The following ESPL1 variants were observed in gnomAD, a reference collection of about 807,000 sequenced individuals.
ESPL1 encodes separin.
Under a neutral mutation model 217.2 loss-of-function variants are expected in ESPL1, and 50 were observed. The observed-to-expected ratio is 0.23, with a 90% CI of 0.18 to 0.29. The LOEUF (loss-of-function observed/expected upper bound fraction) is 0.29, where lower values mean the gene tolerates loss of function less well. Ranked by LOEUF, ESPL1 falls within the 10% of genes least tolerant of loss-of-function variation. ESPL1 has a pLI of 1.00. For missense variants in ESPL1, 1,834 were observed against 2,603.0 expected, an observed-to-expected ratio of 0.70 and a Z score of 6.43; for synonymous variants, 994 against 1,081.3, an observed-to-expected ratio of 0.92 and a Z score of 1.58.
intron 1 of ESPL1, 77 bp from the exon 2 acceptor site, chr12:53,268,678 C>G (rs965466780): frequency 1.2e-6 from 1 of 837,166 alleles, no homozygotes; most frequent in East Asian, 2.6e-5. Context: ...TTGCCTCCTT[C>G]CACGACCTTC....
intron 6 of ESPL1, among the ~76,000 whole-genome samples, 183 bp from the exon 7 acceptor site, chr12:53,274,634 T>C (rs1341023716): frequency 6.6e-6 from 1 of 152,100 alleles, no homozygotes; most frequent in East Asian, 1.9e-4. Context: ...AGCCTCTGAG[T>C]TGAAGGCACT....
At chr12:53,272,011 C>T (rs561131911) in intron 5 of ESPL1, among the ~76,000 whole-genome samples, 19 of 150,464 alleles carry the variant, frequency 1.3e-4, no homozygotes, top group Admixed American at 1.1e-3. Context: ...GGTGTGAACC[C>T]GGGAGGTGGA....
At position 53,274,897 on chromosome 12, in the gene ESPL1, G is replaced by T. The variant is rs377436215; in HGVS notation, c.1587G>T (p.Leu529Phe). ...CCCAGGGCTGCAAGATGGTGATTTT[G>T]TGGCTGGCAGCCCTGCAACCCTGTA... Reference protein sequence around the residue: ...KQAQGCKMVILWLAALQPCSP... With the variant: ...KQAQGCKMVIFWLAALQPCSP... The change falls in exon 7 of 31, where the codon TTG becomes TTT. Residue 529 changes from leucine (L) to phenylalanine (F), a missense_variant. Transcript: ENST00000257934. The T allele has an allele frequency of 3.1e-6, 5 of 1,613,586 alleles. No individual in the cohort carries two copies. Among genetic ancestry groups the T allele is most frequent in the Non-Finnish European group, 4.2e-6 (5 of 1,179,738 alleles).
intron 6 of ESPL1, chr12:53,274,363 C>G (rs966367987): frequency 6.3e-6 from 1 of 158,296 alleles, no homozygotes; most frequent in African/African-American, 2.4e-5. Context: ...ACCGGGTAAT[C>G]AGGCTGCTAT....
chr12:53,270,090 G>A lies in ESPL1; in HGVS notation c.1143+5G>A, dbSNP rs748026681. 1.3e-6 allele frequency: 2 copies of A among 1,598,120 alleles called. No homozygotes were observed. Among genetic ancestry groups the A allele is most frequent in the Non-Finnish European group, 8.5e-7 (1 of 1,171,926 alleles). The stretch of plus-strand genomic sequence containing the variant: ...CAGCAGCTGCGGGATGATGGTGTGA[G>A]TTAAGGACCTGGAGGTAGGGTGGGG... On this transcript the variant is annotated splice_donor_5th_base_variant and intron_variant, in intron 3 of 30. Coordinates refer to ENST00000257934, the MANE Select transcript of ESPL1 (RefSeq NM_012291.5).
chr12:53,291,084 C>G (rs529298726), intron 25 of ESPL1, 88 bp downstream of exon 25: 35 of 1,212,542 alleles, frequency 2.9e-5, no homozygotes, highest in Non-Finnish European at 3.6e-5. Context: ...AGATGGATTG[C>G]TTGAGCTCAG....
At position 53,286,672 on chromosome 12, in the gene ESPL1, C is replaced by T; in HGVS notation, c.3936C>T (p.Gly1312=). Residue 1312 remains glycine, a synonymous_variant, in exon 18 of 31, where the codon GGC becomes GGT. Coordinates refer to ENST00000257934, the MANE Select transcript of ESPL1 (RefSeq NM_012291.5). The surrounding 1 kb of genome is among the most constrained non-coding windows in gnomAD (Gnocchi z 5.3). ...GCTCAGAGCCCTCTAAGACTCAGGG[C>T]CAAAAACGTTCTGGACGAGGGCGCC... The part of the protein sequence containing the change: ...VPGSEPSKTQ[G]QKRSGRGRQK... The T allele has an allele frequency of 3.1e-6, 5 of 1,614,150 alleles. No individual in the cohort carries two copies. The highest frequency in any genetic ancestry group is 8.5e-7 in the Non-Finnish European group (1 of 1,180,038).
In ESPL1 at chr12:53,288,524, T is replaced by C; in HGVS notation, c.4547-14T>C. On this transcript the variant is annotated splice_polypyrimidine_tract_variant and intron_variant, in intron 19 of 30. Transcript: ENST00000257934. ...GGGAGGGAGCACTGTGAAAAAGGCC[T>C]GCTCTCTCCCCAGGTGGGAAGACTC... 1 of 1,602,652 alleles carries C rather than the reference T, an allele frequency of 6.2e-7. No individual in the cohort carries two copies. Among genetic ancestry groups the C allele is most frequent in the Non-Finnish European group, 8.5e-7 (1 of 1,175,506 alleles).
intron 6 of ESPL1, among the ~76,000 whole-genome samples, chr12:53,273,450 G>A (rs1943711020): frequency 6.6e-6 from 1 of 151,866 alleles, no homozygotes; most frequent in African/African-American, 2.4e-5. Context: ...TCTGCCCCGA[G>A]TTAATTGCAT....
rs775902491 is a variant in ESPL1 at position 53,290,982 on chromosome 12, C to T, written c.5506C>T (p.Arg1836Cys). 32 of 1,591,998 alleles carry T rather than the reference C, an allele frequency of 2.0e-5. No homozygotes were observed. The highest frequency in any genetic ancestry group is 7.1e-5 in the Admixed American group (4 of 56,652). ...GGACTGTGGCTGGAAATATCCTGACCGCACTCTGCTGAAAGTGAGTGAGGA... is the reference window on the plus strand; with the variant it reads ...GGACTGTGGCTGGAAATATCCTGACTGCACTCTGCTGAAAGTGAGTGAGGA... ...LQDCGWKYPD[R>C]TLLKIMLSGA... Residue 1836 changes from arginine (R) to cysteine (C), a missense_variant, in exon 25 of 31, where the codon CGC becomes TGC. This residue lies in a region of ESPL1 where 295 missense variants were observed against 519.8 expected (regional missense o/e 0.57). Coordinates refer to ENST00000257934, the MANE Select transcript of ESPL1 (RefSeq NM_012291.5).
intron 18 of ESPL1, chr12:53,287,198 G>A (rs536296710): frequency 2.7e-5 from 7 of 260,944 alleles, no homozygotes; most frequent in South Asian, 8.1e-5. Flanking sequence ...TCAGCTTCCC[G>A]AGTAGCTGGG....
intron 7 of ESPL1, among the ~76,000 whole-genome samples, chr12:53,276,363 T>A (rs1311211419): frequency 6.6e-6 from 1 of 152,130 alleles, no homozygotes; most frequent in African/African-American, 2.4e-5. Flanking sequence ...CCATATGGAA[T>A]GAAGGTGGTC....
Position 53,274,976 on chromosome 12 carries a change from G to A in ESPL1, c.1666G>A (p.Ala556Thr), listed in dbSNP as rs1943740825. 6.4e-7 allele frequency: 1 copy of A among 1,567,124 alleles called. No individual in the cohort carries two copies. The highest frequency in any genetic ancestry group is 8.6e-7 in the Non-Finnish European group (1 of 1,157,798). ...TTTCTGGGTTCGGGTCAAGATGGAT[G>A]CGGCCAGGGCTGGAGACAAGGAGCT... ...VTFWVRVKMD[A>T]ARAGDKELQL... The change falls in exon 7 of 31, where the codon GCG becomes ACG. Residue 556 changes from alanine (A) to threonine (T), a missense_variant. This residue lies in a region of ESPL1 where 746 missense variants were observed against 1,077.0 expected (regional missense o/e 0.69). Transcript: ENST00000257934.
chr12:53,275,516 G>T (rs1189366158), intron 7 of ESPL1, among the ~76,000 whole-genome samples: 5 of 152,044 alleles, frequency 3.3e-5, no homozygotes, highest in Non-Finnish European at 2.9e-5. Context: ...GGATAGGGTG[G>T]CTTTTGGTAC....
chr12:53,285,266 G>A (rs1023071056), intron 17 of ESPL1, among the ~76,000 whole-genome samples: 2 of 152,174 alleles, frequency 1.3e-5, no homozygotes, highest in African/African-American at 4.8e-5. Context: ...CTGAGTGGGA[G>A]CATAGATTAT....
chr12:53,288,587 G>C lies in ESPL1; in HGVS notation c.4596G>C (p.Glu1532Asp), dbSNP rs746349359. 1.2e-6 allele frequency: 2 copies of C among 1,613,690 alleles called. No homozygotes were observed. The highest frequency in any genetic ancestry group is 2.7e-5 in the African/African-American group (2 of 74,932). Reference protein sequence around the residue: ...PGPEAASGEWELLRLDSSKKK... With the variant: ...PGPEAASGEWDLLRLDSSKKK... The stretch of plus-strand genomic sequence containing the variant: ...CTGAGGCAGCTTCTGGAGAATGGGA[G>C]CTGCTGAGGCTGGATTCCAGCAAGA... Residue 1532 changes from glutamate to aspartate, a missense_variant, in exon 20 of 31, where the codon GAG becomes GAC. Around this residue, in one of 5 missense-constraint regions of ESPL1, gnomAD observed 681 missense variants for 808.0 expected, o/e 0.84. Coordinates refer to ENST00000257934, the MANE Select transcript of ESPL1 (RefSeq NM_012291.5).
At chr12:53,278,111 C>G in intron 11 of ESPL1, 151 bp downstream of exon 11, 1 of 849,758 alleles carries the variant, frequency 1.2e-6, no homozygotes, top group East Asian at 2.6e-5. Flanking sequence ...ATTTTAAATC[C>G]AAGCTCCCTC....
At position 53,274,857 on chromosome 12, in the gene ESPL1, A is replaced by C; in HGVS notation, c.1547A>C (p.Lys516Thr). 1 of 1,614,160 alleles carries C rather than the reference A, an allele frequency of 6.2e-7. No individual in the cohort carries two copies. Among genetic ancestry groups the C allele is most frequent in the Non-Finnish European group, 8.5e-7 (1 of 1,180,020 alleles). Residue 516 changes from lysine (K) to threonine (T), a missense_variant, in exon 7 of 31, where the codon AAA (lysine) becomes ACA (threonine). Lys to Thr is a moderately conservative substitution (Grantham distance 78). Coordinates refer to ENST00000257934, the MANE Select transcript of ESPL1 (RefSeq NM_012291.5). ...CGGCTACAAGTAGAGAGTTTGAAGA[A>C]ACTGGGTAAACAGGCCCAGGGCTGC... Reference protein sequence around the residue: ...CFRLQVESLKKLGKQAQGCKM... With the variant: ...CFRLQVESLKTLGKQAQGCKM...
In ESPL1 at chr12:53,292,410, C is replaced by A. The variant is rs1212498481; in HGVS notation, c.5912+17C>A. On this transcript the variant is annotated intron_variant, in intron 28 of 30. Coordinates refer to ENST00000257934, the MANE Select transcript of ESPL1 (RefSeq NM_012291.5). This position sits in a 1 kb window ranked among gnomAD's most constrained non-coding sequence, Gnocchi z 4.5. Reference sequence around the variant, plus strand: ...TTTCAGCAGGTCAGGGGCGCGAAGACAAGAAGACGTGTGGGGAAGGGTAGA... The same window carrying A: ...TTTCAGCAGGTCAGGGGCGCGAAGAAAAGAAGACGTGTGGGGAAGGGTAGA... The A allele has an allele frequency of 1.3e-6, 2 of 1,572,320 alleles. No homozygotes were observed.
Sources: gnomAD v4.1 joint callset for allele counts (sites outside exome capture counted in the v4.1 genomes callset) on GRCh38, gnomAD v4.1.1 for gene constraint, gnomAD v4.1.1 regional missense constraint, Gnocchi (gnomAD v3.1) non-coding constraint, MANE v1.5 for transcripts, NCBI Gene and HGNC (gene_info 2026-07-23, HGNC 2026-07-21) for gene names.